NALF1: variants seen among roughly 807,000 people sequenced by gnomAD.
NALF1 encodes the protein NALCN channel auxiliary factor 1, also known as family with sequence similarity 155 member A.
A neutral mutation model predicts 48.4 loss-of-function variants in NALF1; 3 were observed. The ratio of observed to expected loss-of-function variants is 0.06; its 90% CI spans 0.03 to 0.16. NALF1 has a LOEUF of 0.16. NALF1 is among the 10% of genes least tolerant of loss of function. The probability of loss-of-function intolerance (pLI) is 1.00; values close to 1 mark genes in which losing one functional copy is unlikely to be tolerated. For synonymous variants in NALF1, 262 were observed against 245.7 expected, an observed-to-expected ratio of 1.07 and a Z score of -0.62; for missense variants, 526 against 571.5, an observed-to-expected ratio of 0.92 and a Z score of 0.81.
At chr13:107,330,151 T>G (rs72650545) in intron 1 of NALF1, among the ~76,000 whole-genome samples, 1 of 152,146 alleles carries the variant, frequency 6.6e-6, no homozygotes, top group East Asian at 1.9e-4. Flanking sequence ...TTCAGGGCTG[T>G]AGCCTTTGTT....
intron 1 of NALF1, among the ~76,000 whole-genome samples, chr13:107,444,914 A>G (rs919673023): frequency 6.6e-6 from 1 of 152,252 alleles, no homozygotes; most frequent in Non-Finnish European, 1.5e-5. Flanking sequence ...ACACAGTTGC[A>G]GAAATTTTTT....
intron 1 of NALF1, among the ~76,000 whole-genome samples, chr13:107,353,574 G>T (rs1378399112): frequency 6.6e-6 from 1 of 152,302 alleles, no homozygotes; most frequent in Admixed American, 6.5e-5. Flanking sequence ...TTCATAAGAA[G>T]TTCATAATTC....
chr13:107,422,473 GTCATCA>G lies in NALF1; in HGVS notation c.916-211724_916-211719del, dbSNP rs71121528. Among the ~76,000 whole-genome samples, 15 of 151,206 alleles carry G rather than the reference GTCATCA, an allele frequency of 9.9e-5. No homozygotes were observed. The East Asian group carries it at 2.0e-3, about 20-fold the overall frequency. ...TGCATGAATAATAATAATCATAACA[GTCATCA>G]TCATCATCATCATCATCATCATCAC... is the stretch of plus-strand genomic sequence containing the variant. On this transcript the variant is annotated intron_variant, in intron 1 of 2. Transcript: ENST00000375915.
At chr13:107,176,230 C>G (rs541067959) in intron 2 of NALF1, among the ~76,000 whole-genome samples, 1 of 151,152 alleles carries the variant, frequency 6.6e-6, no homozygotes, top group African/African-American at 2.4e-5. Context: ...AAATGTTGTT[C>G]TGATATATTT....
At chr13:107,380,505 A>G (rs898014360) in intron 1 of NALF1, among the ~76,000 whole-genome samples, 2 of 152,194 alleles carry the variant, frequency 1.3e-5, no homozygotes, top group Non-Finnish European at 2.9e-5. Flanking sequence ...GTTTTGAGAC[A>G]TCAGAGCGAT....
chr13:107,277,960 C>T (rs1386012247), intron 1 of NALF1, among the ~76,000 whole-genome samples: 1 of 152,174 alleles, frequency 6.6e-6, no homozygotes, highest in East Asian at 1.9e-4. Context: ...ATCTCTGTGC[C>T]TCTGACCTTG....
At chr13:107,598,875 G>C (rs1203398010) in intron 1 of NALF1, among the ~76,000 whole-genome samples, 1 of 152,040 alleles carries the variant, frequency 6.6e-6, no homozygotes, top group Non-Finnish European at 1.5e-5. Context: ...ATCATGATCT[G>C]ACATAATTTT....
chr13:107,374,483 G>A (rs1313029271), intron 1 of NALF1, among the ~76,000 whole-genome samples: 2 of 152,104 alleles, frequency 1.3e-5, no homozygotes, highest in Non-Finnish European at 2.9e-5. Flanking sequence ...AAGCTAAGCT[G>A]TATAAAATAA....
At chr13:107,582,183 T>G (rs1878330953) in intron 1 of NALF1, among the ~76,000 whole-genome samples, 1 of 152,166 alleles carries the variant, frequency 6.6e-6, no homozygotes, top group African/African-American at 2.4e-5. Context: ...ATGACATAAA[T>G]CCTTTAAAAT....
At chr13:107,198,623 C>G (rs1879442981) in intron 2 of NALF1, among the ~76,000 whole-genome samples, 1 of 152,222 alleles carries the variant, frequency 6.6e-6, no homozygotes, top group African/African-American at 2.4e-5. Context: ...TACTCCAAAA[C>G]TTAAAGGCAT....
intron 1 of NALF1, among the ~76,000 whole-genome samples, chr13:107,429,682 T>C (rs1781047851): frequency 6.6e-6 from 1 of 152,164 alleles, no homozygotes; most frequent in Non-Finnish European, 1.5e-5. Context: ...ATACAGTGCT[T>C]TGAAACTAGT....
At chr13:107,595,697 T>C (rs9587408) in intron 1 of NALF1, among the ~76,000 whole-genome samples, 44,860 of 152,090 alleles carry the variant, frequency 0.29, 7,212 homozygotes, top group African/African-American at 0.42. Flanking sequence ...CTGCCTAATA[T>C]AGCTGTCACA....
intron 1 of NALF1, among the ~76,000 whole-genome samples, chr13:107,437,434 G>T (rs1427250778): frequency 6.6e-6 from 1 of 152,160 alleles, no homozygotes; most frequent in Non-Finnish European, 1.5e-5. Flanking sequence ...ACTTGTAAGA[G>T]AATGCTTATT....
chr13:107,720,344 A>G (rs1875946769), intron 1 of NALF1, among the ~76,000 whole-genome samples: 1 of 152,056 alleles, frequency 6.6e-6, no homozygotes, highest in Non-Finnish European at 1.5e-5. Context: ...ACACGTCTCT[A>G]CTAAAAAAAT....
At chr13:107,691,425 G>A (rs1881565070) in intron 1 of NALF1, among the ~76,000 whole-genome samples, 1 of 152,204 alleles carries the variant, frequency 6.6e-6, no homozygotes, top group African/African-American at 2.4e-5. Flanking sequence ...TCCTTCTGAT[G>A]ATCGATACGG....
intron 1 of NALF1, among the ~76,000 whole-genome samples, chr13:107,308,356 C>G (rs1881981269): frequency 6.6e-6 from 1 of 151,908 alleles, no homozygotes; most frequent in Non-Finnish European, 1.5e-5. Context: ...TACCCGCCAC[C>G]ACGCCCGGCT....
intron 1 of NALF1, among the ~76,000 whole-genome samples, chr13:107,639,449 C>T (rs1013486119): frequency 6.6e-6 from 1 of 152,146 alleles, no homozygotes; most frequent in African/African-American, 2.4e-5. Flanking sequence ...CTGGAGTGTC[C>T]TTGCACTTTA....
intron 1 of NALF1, among the ~76,000 whole-genome samples, chr13:107,626,522 GC>G (rs750633970): frequency 7.2e-5 from 11 of 152,022 alleles, no homozygotes; most frequent in Non-Finnish European, 1.3e-4. Flanking sequence ...AATCTAAGTG[GC>G]CATCAATGGA....
chr13:107,460,166 C>G (rs1342437708), intron 1 of NALF1, among the ~76,000 whole-genome samples: 15 of 152,170 alleles, frequency 9.9e-5, no homozygotes, highest in Admixed American at 9.8e-4. Flanking sequence ...TCTTTCATCT[C>G]AACCTCAAAG....
Sources: allele counts gnomAD v4.1 joint callset (sites outside exome capture counted in the v4.1 genomes callset), GRCh38; gene constraint gnomAD v4.1.1; transcripts MANE v1.5; gene names NCBI Gene and HGNC (gene_info 2026-07-23, HGNC 2026-07-21).